The following NCAPD3 variants were observed in gnomAD, a reference collection of about 807,000 sequenced individuals.
NCAPD3 encodes the protein non-SMC condensin II complex subunit D3.
A neutral mutation model predicts 182.9 loss-of-function variants in NCAPD3; 105 were observed. That is an observed-to-expected ratio of 0.57 (90% CI 0.49 to 0.68). The LOEUF is 0.68. Among genes scored for constraint, NCAPD3 ranks in the 30% least tolerant of loss-of-function variants. The pLI is 0.00. For missense variants in NCAPD3, 1,944 were observed against 1,837.0 expected (o/e 1.06, Z -1.07); for synonymous variants, 815 against 679.9 (o/e 1.20, Z -3.09).
intron 31 of NCAPD3, among the ~76,000 whole-genome samples, chr11:134,157,456 T>A (rs956329290): frequency 6.6e-6 from 1 of 152,208 alleles, no homozygotes; most frequent in Non-Finnish European, 1.5e-5. Flanking sequence ...AGTATTTGTA[T>A]GGAAAAATTG....
At chr11:134,159,543 C>T (rs1476290769) in intron 29 of NCAPD3, among the ~76,000 whole-genome samples, 1 of 152,210 alleles carries the variant, frequency 6.6e-6, no homozygotes, top group South Asian at 2.1e-4. Context: ...CGGTGAGCAA[C>T]AGCTACTCCT....
chr11:134,177,705 C>T, intron 22 of NCAPD3: 1 of 480,916 alleles, frequency 2.1e-6, no homozygotes, highest in South Asian at 3.5e-5. Flanking sequence ...CTAATAAAAT[C>T]ATCTTCCTTT....
chr11:134,176,802 A>C (rs948074548), intron 23 of NCAPD3, among the ~76,000 whole-genome samples: 1 of 152,208 alleles, frequency 6.6e-6, no homozygotes, highest in African/African-American at 2.4e-5. Context: ...TTTTCCGCAC[A>C]CGGAAACGTC....
chr11:134,200,183 A>AT (rs1944721282), intron 13 of NCAPD3, among the ~76,000 whole-genome samples: 1 of 152,238 alleles, frequency 6.6e-6, no homozygotes, highest in Non-Finnish European at 1.5e-5. Flanking sequence ...GTGACTTTGG[A>AT]TTACACAACG....
intron 32 of NCAPD3, among the ~76,000 whole-genome samples, chr11:134,156,312 C>T (rs1159985109): frequency 6.6e-6 from 1 of 152,126 alleles, no homozygotes; most frequent in Non-Finnish European, 1.5e-5. Context: ...CTGTGCACAG[C>T]CGGGCGCAGA....
rs1413399174 is a variant in NCAPD3, at chr11:134,220,808, AGAG to A, written c.65-85_65-83del. On this transcript the variant is annotated intron_variant, in intron 1 of 34. Coordinates refer to ENST00000534548, the MANE Select transcript of NCAPD3 (RefSeq NM_015261.3). ...CACCTTTAGATTCCAGGTGTGTTCA[AGAG>A]GAGAAAAGTTTACTAGTCACGATTC... 2.2e-6 allele frequency: 3 copies of A among 1,353,486 alleles called. No individual in the cohort carries two copies. In the African/African-American group the frequency reaches 4.4e-5, roughly 20 times the overall value. 83.8% of individuals were successfully genotyped at this position (1,353,486 alleles called of 1,614,324 possible).
chr11:134,167,764 C>T (rs1486207006), intron 27 of NCAPD3, among the ~76,000 whole-genome samples: 1 of 131,792 alleles, frequency 7.6e-6, no homozygotes, highest in Admixed American at 8.2e-5. Flanking sequence ...GCAGCACACT[C>T]ACTTGTGAGA....
At chr11:134,203,933 C>T in intron 10 of NCAPD3, 27 bp from the exon 11 acceptor site, 3 of 1,608,914 alleles carry the variant, frequency 1.9e-6, no homozygotes, top group South Asian at 1.1e-5. Context: ...ATAAGAATTG[C>T]CATCAGATAG....
At chr11:134,200,816 A>G (rs1322310594) in intron 13 of NCAPD3, among the ~76,000 whole-genome samples, 1 of 152,222 alleles carries the variant, frequency 6.6e-6, no homozygotes, top group Admixed American at 6.5e-5. Flanking sequence ...CAAAAAGTGA[A>G]AACAACCCAA....
intron 3 of NCAPD3, 46 bp downstream of exon 3, chr11:134,216,890 G>GA (rs759631779): frequency 2.0e-6 from 3 of 1,532,030 alleles, no homozygotes; most frequent in African/African-American, 1.4e-5. Flanking sequence ...ACTGTAGAAA[G>GA]AAAAAAATGA....
At chr11:134,210,519 C>G in intron 3 of NCAPD3, 65 bp from the exon 4 acceptor site, 8 of 1,415,358 alleles carry the variant, frequency 5.7e-6, no homozygotes, top group Non-Finnish European at 7.8e-6. Context: ...TCTATAACAT[C>G]AGATGAAAAG....
At chr11:134,216,489 C>T (rs1346620554) in intron 3 of NCAPD3, among the ~76,000 whole-genome samples, 1 of 152,202 alleles carries the variant, frequency 6.6e-6, no homozygotes, top group African/African-American at 2.4e-5. Flanking sequence ...CAGTGCTCTC[C>T]TTCAAGTATT....
rs145080705 is a variant in NCAPD3, at chr11:134,213,475, A to G, written c.383-3021T>C. Among the ~76,000 whole-genome samples, 636 of 151,924 alleles carry G rather than the reference A, an allele frequency of 4.2e-3. 4 individuals carry two copies. Among genetic ancestry groups the G allele is most frequent in the African/African-American group, 0.015 (609 of 41,488 alleles). On this transcript the variant is annotated intron_variant, in intron 3 of 34. Coordinates refer to ENST00000534548, the MANE Select transcript of NCAPD3 (RefSeq NM_015261.3). Reference sequence around the variant, plus strand: ...ACTGGGATTACAGACGTGTTACCATATCCGGCTAATTTTTGTATTTTTAGT... The same window carrying G: ...ACTGGGATTACAGACGTGTTACCATGTCCGGCTAATTTTTGTATTTTTAGT...
chr11:134,158,232 CAAT>C, intron 30 of NCAPD3, 94 bp downstream of exon 30: 3 of 1,550,912 alleles, frequency 1.9e-6, no homozygotes, highest in Non-Finnish European at 1.8e-6. Context: ...CAGACAATGA[CAAT>C]GACTTTCCTG....
At chr11:134,168,663 C>A in intron 25 of NCAPD3, 61 bp from the exon 26 acceptor site, 3 of 1,601,414 alleles carry the variant, frequency 1.9e-6, no homozygotes, top group South Asian at 2.2e-5. Context: ...GGATTTAACA[C>A]TGCACTTTAA....
intron 3 of NCAPD3, among the ~76,000 whole-genome samples, chr11:134,215,976 G>A (rs528312372): frequency 3.2e-4 from 48 of 152,274 alleles, no homozygotes; most frequent in Non-Finnish European, 5.7e-4. Flanking sequence ...AGTGGCCCAC[G>A]CAATTAGTAA....
intron 27 of NCAPD3, among the ~76,000 whole-genome samples, chr11:134,165,011 A>C (rs1008984590): frequency 6.7e-6 from 1 of 149,768 alleles, no homozygotes; most frequent in Non-Finnish European, 1.5e-5. Context: ...GGGAAGCTGC[A>C]CACCCACTTG....
chr11:134,164,827 T>C (rs549796449), intron 27 of NCAPD3, among the ~76,000 whole-genome samples: 187 of 142,558 alleles, frequency 1.3e-3, no homozygotes, highest in Non-Finnish European at 2.2e-3. Context: ...GAAATGACCT[T>C]AGGGGAGCTG....
chr11:134,184,053 G>A (rs1250728992), intron 19 of NCAPD3, among the ~76,000 whole-genome samples: 4 of 152,102 alleles, frequency 2.6e-5, no homozygotes, highest in Non-Finnish European at 4.4e-5. Flanking sequence ...TTCAGTTACT[G>A]GTATGCATAC....
Sources: allele counts gnomAD v4.1 joint callset (sites outside exome capture counted in the v4.1 genomes callset), GRCh38; gene constraint gnomAD v4.1.1; transcripts MANE v1.5; gene names NCBI Gene and HGNC (gene_info 2026-07-23, HGNC 2026-07-21).